CHRM2: variants seen among roughly 807,000 people sequenced by gnomAD.
CHRM2 encodes the protein muscarinic acetylcholine receptor M2.
A neutral mutation model predicts 25.0 loss-of-function variants in CHRM2; 8 were observed. The ratio of observed to expected loss-of-function variants is 0.32; its 90% CI spans 0.19 to 0.58. The LOEUF is 0.58. CHRM2 is among the 20% of genes least tolerant of loss of function. CHRM2 has a pLI of 0.88. For missense variants in CHRM2, 440 were observed against 567.1 expected (o/e 0.78, Z 2.28); for synonymous variants, 202 against 205.7 (o/e 0.98, Z 0.15).
intron 2 of CHRM2, among the ~76,000 whole-genome samples, chr7:136,876,048 C>A (rs1796040303): frequency 6.6e-6 from 1 of 151,990 alleles, no homozygotes; most frequent in South Asian, 2.1e-4. Flanking sequence ...TATTTGGCAT[C>A]CTCTATCTCA....
intron 2 of CHRM2, among the ~76,000 whole-genome samples, chr7:136,892,039 T>C (rs1375248604): frequency 2.6e-5 from 4 of 152,232 alleles, no homozygotes; most frequent in Non-Finnish European, 5.9e-5. Flanking sequence ...TAGAATAGTA[T>C]CTGTTACACA....
intron 3 of CHRM2, 36 bp from the exon 4 acceptor site, chr7:137,014,784 T>C (rs1432685799): frequency 6.5e-6 from 8 of 1,226,692 alleles, no homozygotes; most frequent in South Asian, 6.3e-5. Flanking sequence ...CCAATGTTTA[T>C]ATTATGTTTG....
At chr7:137,011,215 G>GTGTGTGTATATATATATATATATA in intron 3 of CHRM2, among the ~76,000 whole-genome samples, 4 of 134,330 alleles carry the variant, frequency 3.0e-5, no homozygotes, top group East Asian at 2.0e-4. Context: ...GTGTGTGTGT[G>GTGTGTGTATATATATATATATATA]TATATATATA....
intron 2 of CHRM2, among the ~76,000 whole-genome samples, chr7:136,962,424 T>A (rs324575): frequency 1.3e-5 from 2 of 152,148 alleles, no homozygotes; most frequent in Non-Finnish European, 2.9e-5. Context: ...TGTAAGCCAC[T>A]GCGCCCGGCC....
intron 2 of CHRM2, among the ~76,000 whole-genome samples, chr7:136,893,474 T>C (rs1796774158): frequency 6.6e-6 from 1 of 152,234 alleles, no homozygotes; most frequent in Non-Finnish European, 1.5e-5. Flanking sequence ...GGCACACCAC[T>C]GAGGCCACTG....
chr7:136,922,315 T>C (rs1011940848), intron 2 of CHRM2, among the ~76,000 whole-genome samples: 3 of 152,220 alleles, frequency 2.0e-5, no homozygotes, highest in Admixed American at 1.3e-4. Flanking sequence ...TCCAACATCA[T>C]ATTTCCCCTA....
At chr7:136,998,031 G>A in intron 3 of CHRM2, among the ~76,000 whole-genome samples, 1 of 152,166 alleles carries the variant, frequency 6.6e-6, no homozygotes, top group East Asian at 1.9e-4. Context: ...TGACATTGAA[G>A]AGAATATACA....
rs773792205 is a variant in CHRM2 at position 137,014,903 on chromosome 7, C to A, written c.38C>A (p.Ala13Asp). Residue 13 changes from alanine to aspartate, a missense_variant, in exon 4 of 4, where the codon GCT (alanine) becomes GAT (aspartate). By Grantham distance (126) the Ala-to-Asp change is moderately radical. This residue lies in a region of CHRM2 where 86 missense variants were observed against 124.9 expected (regional missense o/e 0.69). Coordinates refer to ENST00000680005, the MANE Select transcript of CHRM2 (RefSeq NM_001006630.2). ...ACAAACTCCTCTAACAATAGCCTGG[C>A]TCTTACAAGTCCTTATAAGACATTT... The part of the protein sequence containing the change: ...NSTNSSNNSL[A>D]LTSPYKTFEV... 4 of 1,613,148 alleles carry A rather than the reference C, an allele frequency of 2.5e-6. No homozygotes were observed. Among genetic ancestry groups the A allele is most frequent in the South Asian group, 1.1e-5 (1 of 91,058 alleles).
chr7:136,975,199 T>C (rs1295614900), intron 2 of CHRM2, among the ~76,000 whole-genome samples: 1 of 152,148 alleles, frequency 6.6e-6, no homozygotes, highest in African/African-American at 2.4e-5. Flanking sequence ...AAGGTATACA[T>C]CAGCCTATAA....
At chr7:136,960,576 C>T (rs1801010317) in intron 2 of CHRM2, among the ~76,000 whole-genome samples, 1 of 152,232 alleles carries the variant, frequency 6.6e-6, no homozygotes, top group Admixed American at 6.5e-5. Context: ...TGTAGAGTAA[C>T]TGCTTAACTA....
chr7:136,875,959 A>T (rs1796037524), intron 2 of CHRM2, among the ~76,000 whole-genome samples: 1 of 152,094 alleles, frequency 6.6e-6, no homozygotes, highest in African/African-American at 2.4e-5. Flanking sequence ...GATAAGCTTC[A>T]CACTTATACT....
chr7:136,921,468 A>G, intron 2 of CHRM2, among the ~76,000 whole-genome samples: 1 of 152,128 alleles, frequency 6.6e-6, no homozygotes, highest in East Asian at 1.9e-4. Context: ...ACAGCTCCCC[A>G]TTCTTACAGC....
chr7:136,934,552 C>T (rs1403499925), intron 2 of CHRM2, among the ~76,000 whole-genome samples: 1 of 152,164 alleles, frequency 6.6e-6, no homozygotes, highest in East Asian at 1.9e-4. Context: ...TTAGAACTCC[C>T]TCTTGGACAT....
Position 136,996,566 on chromosome 7 carries a change from G to C in CHRM2, c.-47+4302G>C, listed in dbSNP as rs532832822. On this transcript the variant is annotated intron_variant, in intron 3 of 3. Transcript: ENST00000680005. Reference sequence around the variant, plus strand: ...CTTTGGCCAATGATCTCATTTATAGGAATTTATCCTAAGAAAGCAATCATA... The same window carrying C: ...CTTTGGCCAATGATCTCATTTATAGCAATTTATCCTAAGAAAGCAATCATA... Among the ~76,000 whole-genome samples the C allele has an allele frequency of 2.6e-5, 4 of 152,090 alleles. No individual in the cohort carries two copies. The South Asian group carries it at 8.3e-4, about 32-fold the overall frequency.
intron 2 of CHRM2, among the ~76,000 whole-genome samples, chr7:136,990,870 C>T (rs906585107): frequency 1.3e-5 from 2 of 152,124 alleles, no homozygotes; most frequent in Non-Finnish European, 2.9e-5. Context: ...CGCCCCACAA[C>T]CTCTCCAGGA....
intron 2 of CHRM2, among the ~76,000 whole-genome samples, chr7:136,974,581 A>T (rs1801994557): frequency 6.6e-6 from 1 of 152,090 alleles, no homozygotes; most frequent in Non-Finnish European, 1.5e-5. Flanking sequence ...GAATGCATAT[A>T]CCTCATTACA....
At chr7:136,930,834 T>G (rs1372261841) in intron 2 of CHRM2, among the ~76,000 whole-genome samples, 1 of 145,780 alleles carries the variant, frequency 6.9e-6, no homozygotes, top group African/African-American at 2.5e-5. Flanking sequence ...GAGGCGGAGT[T>G]TGCAGTGAGC....
At chr7:136,891,165 A>G (rs1241816043) in intron 2 of CHRM2, among the ~76,000 whole-genome samples, 1 of 152,328 alleles carries the variant, frequency 6.6e-6, no homozygotes, top group South Asian at 2.1e-4. Context: ...ATTTGACACA[A>G]CAAACCAATA....
chr7:136,937,905 G>C (rs1236206301), intron 2 of CHRM2, among the ~76,000 whole-genome samples: 1 of 152,146 alleles, frequency 6.6e-6, no homozygotes, highest in African/African-American at 2.4e-5. Flanking sequence ...GCATGAGTTA[G>C]TGGAAGAGGG....
Sources: allele counts gnomAD v4.1 joint callset (sites outside exome capture counted in the v4.1 genomes callset), GRCh38; gene constraint gnomAD v4.1.1; regional missense constraint gnomAD v4.1.1; transcripts MANE v1.5; gene names NCBI Gene and HGNC (gene_info 2026-07-23, HGNC 2026-07-21).